POF1B: variants seen among roughly 807,000 people sequenced by gnomAD.
POF1B encodes the protein POF1B actin binding protein.
A neutral mutation model predicts 55.3 loss-of-function variants in POF1B; 53 were observed. That is an observed-to-expected ratio of 0.96 (90% CI 0.77 to 1.20). The LOEUF (loss-of-function observed/expected upper bound fraction) is 1.20. POF1B is among the 50% of genes most tolerant of loss of function. POF1B has a pLI of 0.00. For synonymous variants in POF1B, 188 were observed against 148.3 expected (o/e 1.27, Z -1.95); for missense variants, 478 against 420.5 (o/e 1.14, Z -1.20).
At chrX:85,310,568 G>GA (rs1481584961) in intron 9 of POF1B, among the ~76,000 whole-genome samples, 3 of 111,897 alleles carry the variant, frequency 2.7e-5, no homozygotes, top group Non-Finnish European at 5.6e-5. Context: ...AAATAGATTA[G>GA]AAAAAATTAA....
chrX:85,281,094 G>A (rs1931885929), intron 16 of POF1B, among the ~76,000 whole-genome samples: 1 of 110,345 alleles, frequency 9.1e-6, no homozygotes. Flanking sequence ...ATATATAGTT[G>A]GCCCTTGGTA....
At chrX:85,351,475 T>C in intron 4 of POF1B, 24 bp from the exon 5 acceptor site, 1 of 1,117,327 alleles carries the variant, frequency 8.9e-7, no homozygotes, top group Admixed American at 2.3e-5. Context: ...AAATTATATG[T>C]TTTGTTTTGA....
intron 7 of POF1B, among the ~76,000 whole-genome samples, chrX:85,323,631 T>A (rs1158368150): frequency 1.2e-4 from 13 of 108,722 alleles, no homozygotes; most frequent in Admixed American, 9.8e-4. Context: ...TAAAAAAAAA[T>A]GTCTATCTTT....
chrX:85,372,582 G>A (rs377482769), intron 2 of POF1B, among the ~76,000 whole-genome samples: 1 of 106,308 alleles, frequency 9.4e-6, no homozygotes, highest in East Asian at 3.0e-4. Flanking sequence ...CAGAAGATGG[G>A]GACCTAGGGG....
At chrX:85,311,332 T>G (rs904898141) in intron 9 of POF1B, among the ~76,000 whole-genome samples, 1 of 110,739 alleles carries the variant, frequency 9.0e-6, no homozygotes, top group African/African-American at 3.3e-5. Flanking sequence ...CATTAGGTAT[T>G]TCTCCTAATG....
rs180712083 is a variant in POF1B at position 85,326,407 on chromosome X, C to T, written c.854+4542G>A. 4.3e-3 allele frequency among the ~76,000 whole-genome samples: 467 copies of T among 109,385 alleles called. 2 individuals carry two copies. The highest frequency in any genetic ancestry group is 0.015 in the African/African-American group (443 of 29,927). 95.0% of individuals were successfully genotyped at this position (109,385 alleles called of 115,157 possible). A position where few individuals can be genotyped will look rare whatever the true frequency, so the allele number is the denominator to read the frequency against. On this transcript the variant is annotated intron_variant, in intron 7 of 16. Transcript: ENST00000262753. ...TTTGTGTGCGGATTCACACAGGCGG[C>T]AGCTACTGCTGGGGGGTGGGGGCGG... is the stretch of plus-strand genomic sequence containing the variant.
At chrX:85,310,912 G>C (rs1364927431) in intron 9 of POF1B, among the ~76,000 whole-genome samples, 9 of 111,711 alleles carry the variant, frequency 8.1e-5, no homozygotes, top group Non-Finnish European at 3.8e-5. Flanking sequence ...AAATCATGAA[G>C]CCCAGAAGGA....
intron 4 of POF1B, among the ~76,000 whole-genome samples, chrX:85,352,881 T>C (rs945861864): frequency 9.0e-6 from 1 of 111,283 alleles, no homozygotes; most frequent in Non-Finnish European, 1.9e-5. Flanking sequence ...AAGCTAAAAA[T>C]GGTAGTTAGA....
At chrX:85,293,467 A>G (rs993846525) in intron 15 of POF1B, among the ~76,000 whole-genome samples, 1 of 111,833 alleles carries the variant, frequency 8.9e-6, no homozygotes, top group Non-Finnish European at 1.9e-5. Context: ...GAGATAAATG[A>G]TGAGAACACA....
intron 15 of POF1B, among the ~76,000 whole-genome samples, chrX:85,295,154 C>A (rs921809562): frequency 5.4e-5 from 6 of 111,362 alleles, no homozygotes; most frequent in South Asian, 3.7e-4. Flanking sequence ...CTTTTTTATT[C>A]TTTCGAAGTA....
intron 3 of POF1B, among the ~76,000 whole-genome samples, 174 bp from the exon 4 acceptor site, chrX:85,359,804 T>A (rs1022502923): frequency 2.7e-5 from 3 of 111,376 alleles, no homozygotes; most frequent in African/African-American, 9.7e-5. Flanking sequence ...TAAAAGCATG[T>A]GTTCTGTGCC....
At chrX:85,341,321 A>G (rs969569938) in intron 6 of POF1B, among the ~76,000 whole-genome samples, 9 of 111,032 alleles carry the variant, frequency 8.1e-5, no homozygotes, top group African/African-American at 2.9e-4. Flanking sequence ...GGTGGTGAAG[A>G]GGGTAGGGAC....
chrX:85,338,816 T>G (rs1282363857), intron 6 of POF1B, among the ~76,000 whole-genome samples: 1 of 110,876 alleles, frequency 9.0e-6, no homozygotes, highest in Non-Finnish European at 1.9e-5. Flanking sequence ...TTAAGACTAG[T>G]AAATAAAGCA....
chrX:85,321,257 C>T (rs2147917027), intron 7 of POF1B, among the ~76,000 whole-genome samples: 2 of 111,209 alleles, frequency 1.8e-5, no homozygotes, highest in Admixed American at 1.9e-4. Flanking sequence ...ATCAAGTGGG[C>T]TTCATCCCTG....
chrX:85,322,826 C>T (rs1306815793), intron 7 of POF1B, among the ~76,000 whole-genome samples: 1 of 111,800 alleles, frequency 8.9e-6, no homozygotes, highest in Non-Finnish European at 1.9e-5. Flanking sequence ...CTTATGCAGC[C>T]ACAAAACACA....
At chrX:85,361,710 A>G (rs1049497909) in intron 3 of POF1B, among the ~76,000 whole-genome samples, 1 of 111,319 alleles carries the variant, frequency 9.0e-6, no homozygotes, top group African/African-American at 3.3e-5. Context: ...CTTGTTCCAT[A>G]TGAATTTTAA....
chrX:85,321,013 A>G (rs1454326737), intron 7 of POF1B, among the ~76,000 whole-genome samples: 1 of 111,383 alleles, frequency 9.0e-6, no homozygotes, highest in Non-Finnish European at 1.9e-5. Context: ...TACCAGAGGT[A>G]CAAGGAGGAG....
At chrX:85,351,252 TG>T in intron 5 of POF1B, 97 bp downstream of exon 5, 1 of 499,664 alleles carries the variant, frequency 2.0e-6, no homozygotes, top group Non-Finnish European at 3.3e-6. Flanking sequence ...ATGGTGGTCT[TG>T]CCTTGCACTT....
intron 2 of POF1B, among the ~76,000 whole-genome samples, chrX:85,371,327 T>C (rs1280741081): frequency 8.9e-6 from 1 of 112,125 alleles, no homozygotes; most frequent in Non-Finnish European, 1.9e-5. Context: ...TTGTCAGTAT[T>C]GTTTTCCTTT....
Sources: allele counts gnomAD v4.1 joint callset (sites outside exome capture counted in the v4.1 genomes callset), GRCh38; gene constraint gnomAD v4.1.1; transcripts MANE v1.5; gene names NCBI Gene and HGNC (gene_info 2026-07-23, HGNC 2026-07-21).